Variants in TUT4 observed in about 807,000 individuals in gnomAD.
TUT4 encodes the protein terminal uridylyltransferase 4.
Under a neutral mutation model 192.2 loss-of-function variants are expected in TUT4, and 36 were observed. That is an observed-to-expected ratio of 0.19 (90% CI 0.14 to 0.25). The LOEUF (loss-of-function observed/expected upper bound fraction) is 0.25. Ranked by LOEUF, TUT4 falls within the 10% of genes least tolerant of loss-of-function variation. The pLI, the probability that TUT4 is intolerant of heterozygous loss-of-function variation, is 1.00. For missense variants in TUT4, 1,493 were observed against 1,957.2 expected, an observed-to-expected ratio of 0.76 and a Z score of 4.47; for synonymous variants, 618 against 666.0, an observed-to-expected ratio of 0.93 and a Z score of 1.11.
chr1:52,477,264 G>A (rs1010462750), intron 12 of TUT4, among the ~76,000 whole-genome samples: 1 of 152,022 alleles, frequency 6.6e-6, no homozygotes, highest in African/African-American at 2.4e-5. Flanking sequence ...TAATAGACTT[G>A]ACAAAGAATC....
chr1:52,483,532 C>G (rs919969498), intron 9 of TUT4, among the ~76,000 whole-genome samples: 1 of 152,018 alleles, frequency 6.6e-6, no homozygotes, highest in African/African-American at 2.4e-5. Flanking sequence ...TTTTTTAGGC[C>G]GGGCACACTG....
At chr1:52,430,854 G>A (rs1362364719) in intron 28 of TUT4, among the ~76,000 whole-genome samples, 159 bp downstream of exon 28, 2 of 152,178 alleles carry the variant, frequency 1.3e-5, no homozygotes, top group Non-Finnish European at 2.9e-5. Flanking sequence ...TTCAAATCCA[G>A]GCAGTCTGAG....
At chr1:52,511,782 T>C (rs1480839801) in intron 3 of TUT4, among the ~76,000 whole-genome samples, 2 of 152,206 alleles carry the variant, frequency 1.3e-5, no homozygotes, top group Non-Finnish European at 2.9e-5. Context: ...CTGGCTTTTA[T>C]TCTAAGTATG....
chr1:52,509,797 G>A, intron 3 of TUT4, 85 bp from the exon 4 acceptor site: 1 of 813,584 alleles, frequency 1.2e-6, no homozygotes. Flanking sequence ...ATACAATTAT[G>A]TAAGTAGACA....
intron 9 of TUT4, among the ~76,000 whole-genome samples, chr1:52,483,962 A>G (rs1332266898): frequency 1.3e-5 from 2 of 152,146 alleles, no homozygotes; most frequent in African/African-American, 4.8e-5. Flanking sequence ...CAGACAACAT[A>G]GCAAGACCTC....
intron 16 of TUT4, chr1:52,462,830 A>G (rs1007663585): frequency 1.4e-5 from 14 of 985,322 alleles, no homozygotes; most frequent in Non-Finnish European, 1.4e-5. Context: ...TGGTAATGAT[A>G]ATCATAATAC....
At chr1:52,482,729 C>T (rs115898595) in intron 9 of TUT4, among the ~76,000 whole-genome samples, 2,096 of 152,248 alleles carry the variant, frequency 0.014, 27 homozygotes, top group Non-Finnish European at 0.018. Context: ...AGCCACCATG[C>T]CCAGCCAACA....
rs181285802 is a variant in TUT4 at position 52,509,739 on chromosome 1, C to T, written c.883-27G>A. 5.7e-4 allele frequency: 764 copies of T among 1,334,214 alleles called. 5 individuals carry two copies. The East Asian group carries it at 0.015, about 26-fold the overall frequency. 82.6% of individuals were successfully genotyped at this position (1,334,214 alleles called of 1,614,324 possible). On this transcript the variant is annotated intron_variant, in intron 3 of 29. Coordinates refer to ENST00000257177, the MANE Select transcript of TUT4 (RefSeq NM_001009881.3). ...TGAAGAGACAAATTTTAAAAATGCA[C>T]TTTATTCAGAAAACAGAGGAGTAAA...
chr1:52,479,569 C>T (rs80050286), intron 11 of TUT4, among the ~76,000 whole-genome samples: 3,212 of 151,936 alleles, frequency 0.021, 46 homozygotes, highest in Non-Finnish European at 0.031. Context: ...CAAGGTTAAC[C>T]GAAAGGAACA....
At chr1:52,500,482 G>A (rs187040226) in intron 4 of TUT4, among the ~76,000 whole-genome samples, 27 of 152,080 alleles carry the variant, frequency 1.8e-4, no homozygotes, top group Admixed American at 1.6e-3. Context: ...AAAAAATTAG[G>A]CCAGGCACGG....
At chr1:52,462,709 G>A in intron 16 of TUT4, 2 of 983,240 alleles carry the variant, frequency 2.0e-6, no homozygotes, top group Non-Finnish European at 1.2e-6. Context: ...TGTTGATATG[G>A]AAAAGAAAGA....
At chr1:52,425,750 G>C (rs1176699915) in intron 28 of TUT4, among the ~76,000 whole-genome samples, 1 of 151,934 alleles carries the variant, frequency 6.6e-6, no homozygotes, top group Non-Finnish European at 1.5e-5. Flanking sequence ...TAGTAGAACA[G>C]GCAAAATGTT....
intron 1 of TUT4, among the ~76,000 whole-genome samples, chr1:52,552,073 G>T (rs1257541389): frequency 3.3e-5 from 5 of 152,124 alleles, no homozygotes; most frequent in Non-Finnish European, 5.9e-5. Flanking sequence ...CAGATATACG[G>T]TATCTAAGAT....
chr1:52,447,631 A>C (rs1054363054), intron 20 of TUT4, among the ~76,000 whole-genome samples: 3 of 152,186 alleles, frequency 2.0e-5, no homozygotes, highest in Non-Finnish European at 4.4e-5. Flanking sequence ...ATGTCTGTGT[A>C]ACTGACTTCC....
At chr1:52,470,294 T>A (rs1042566676) in intron 14 of TUT4, among the ~76,000 whole-genome samples, 26 of 152,302 alleles carry the variant, frequency 1.7e-4, no homozygotes, top group African/African-American at 6.0e-4. Flanking sequence ...AAGAAAATTA[T>A]ATTCAATTAT....
intron 27 of TUT4, chr1:52,433,866 C>T (rs1652898853): frequency 6.6e-6 from 1 of 152,118 alleles, no homozygotes; most frequent in South Asian, 2.1e-4. Context: ...AGATACATTT[C>T]TGTAGCAAGG....
At chr1:52,436,732 T>C in intron 26 of TUT4, 23 bp downstream of exon 26, 1 of 1,611,530 alleles carries the variant, frequency 6.2e-7, no homozygotes, top group South Asian at 1.1e-5. Flanking sequence ...TACCAGAAAC[T>C]ATGTTTGGCC....
At chr1:52,463,529 C>G (rs1385284836) in intron 16 of TUT4, 11 of 1,152,440 alleles carry the variant, frequency 9.5e-6, no homozygotes, top group Non-Finnish European at 1.2e-5. Flanking sequence ...CTGCTGAATT[C>G]TTTTATAATG....
intron 20 of TUT4, among the ~76,000 whole-genome samples, chr1:52,448,314 G>A (rs1346381838): frequency 1.3e-5 from 2 of 152,108 alleles, no homozygotes; most frequent in South Asian, 2.1e-4. Context: ...GAGGCCGGGC[G>A]CAGTGGCTCA....
Sources: allele counts gnomAD v4.1 joint callset (sites outside exome capture counted in the v4.1 genomes callset), GRCh38; gene constraint gnomAD v4.1.1; transcripts MANE v1.5; gene names NCBI Gene and HGNC (gene_info 2026-07-23, HGNC 2026-07-21).